The following RIT2 variants were observed in gnomAD, a reference collection of about 807,000 sequenced individuals.
The protein encoded by RIT2 is GTP-binding protein Rit2.
Under a neutral mutation model 23.7 loss-of-function variants are expected in RIT2, and 24 were observed. The ratio of observed to expected loss-of-function variants is 1.01; its 90% CI spans 0.73 to 1.43. The LOEUF is 1.43. RIT2 is among the 40% of genes most tolerant of loss of function. The probability of loss-of-function intolerance (pLI) is 0.00; values close to 1 mark genes in which losing one functional copy is unlikely to be tolerated. For synonymous variants in RIT2, 107 were observed against 91.1 expected (o/e 1.17, Z -0.99); for missense variants, 236 against 266.9 (o/e 0.88, Z 0.81).
intron 4 of RIT2, among the ~76,000 whole-genome samples, chr18:42,765,623 G>A (rs1033328653): frequency 1.3e-5 from 2 of 152,194 alleles, no homozygotes; most frequent in Non-Finnish European, 2.9e-5. Flanking sequence ...AAAGAACAAA[G>A]TGTGTTGACA....
intron 1 of RIT2, among the ~76,000 whole-genome samples, chr18:43,041,019 T>G (rs1160047876): frequency 2.6e-5 from 4 of 152,122 alleles, no homozygotes; most frequent in Non-Finnish European, 5.9e-5. Flanking sequence ...TAGAAATATA[T>G]GTATAATTAT....
chr18:43,108,711 T>C (rs1036999006), intron 1 of RIT2, among the ~76,000 whole-genome samples: 4 of 152,190 alleles, frequency 2.6e-5, no homozygotes, highest in Non-Finnish European at 5.9e-5. Flanking sequence ...TCAATCATTA[T>C]TTGAGTGAGT....
chr18:42,952,622 CACAGATGTATACTGT>C (rs1909878646), intron 3 of RIT2, among the ~76,000 whole-genome samples: 1 of 152,124 alleles, frequency 6.6e-6, no homozygotes, highest in Non-Finnish European at 1.5e-5. Context: ...TTGATGGTTT[CACAGATGTATACTGT>C]ACAGCCGTTT....
At chr18:42,912,103 T>C (rs1908784614) in intron 4 of RIT2, among the ~76,000 whole-genome samples, 2 of 151,792 alleles carry the variant, frequency 1.3e-5, no homozygotes. Flanking sequence ...TAAAATGTGA[T>C]TTATTCCAGG....
At chr18:42,873,003 C>G (rs1163707230) in intron 4 of RIT2, among the ~76,000 whole-genome samples, 1 of 152,116 alleles carries the variant, frequency 6.6e-6, no homozygotes, top group Admixed American at 6.6e-5. Context: ...TACAGTATCT[C>G]ATGATCCACA....
chr18:43,042,971 C>T (rs746877141), intron 1 of RIT2, among the ~76,000 whole-genome samples: 8 of 151,908 alleles, frequency 5.3e-5, no homozygotes, highest in Non-Finnish European at 1.2e-4. Context: ...CCATTTTCCA[C>T]TATTAAATAA....
chr18:42,927,031 A>G (rs1213582640), intron 3 of RIT2, among the ~76,000 whole-genome samples: 4 of 151,976 alleles, frequency 2.6e-5, no homozygotes, highest in Non-Finnish European at 4.4e-5. Context: ...AGCTCAAATG[A>G]GAGAAGAGAT....
At chr18:43,081,803 T>G (rs1236009361) in intron 1 of RIT2, among the ~76,000 whole-genome samples, 6 of 152,170 alleles carry the variant, frequency 3.9e-5, no homozygotes. Flanking sequence ...GAAACTTCAA[T>G]GTGAGTTTCA....
chr18:42,852,103 G>T (rs1273270175), intron 4 of RIT2, among the ~76,000 whole-genome samples: 6 of 152,038 alleles, frequency 3.9e-5, no homozygotes, highest in Admixed American at 2.0e-4. Context: ...CTCAAGACTC[G>T]ACCATAAAAT....
chr18:42,817,903 A>G (rs1461424405), intron 4 of RIT2, among the ~76,000 whole-genome samples: 1 of 151,988 alleles, frequency 6.6e-6, no homozygotes. Context: ...TGGAGTAAAT[A>G]ATTTTCATGG....
At chr18:42,836,259 G>A (rs8085000) in intron 4 of RIT2, among the ~76,000 whole-genome samples, 5,521 of 151,982 alleles carry the variant, frequency 0.036, 334 homozygotes, top group African/African-American at 0.12. Context: ...GTCACAGTGG[G>A]TTTAACCTGG....
chr18:42,857,696 G>T (rs948987182), intron 4 of RIT2, among the ~76,000 whole-genome samples: 2 of 152,152 alleles, frequency 1.3e-5, no homozygotes, highest in Non-Finnish European at 2.9e-5. Flanking sequence ...CTATGCCCTG[G>T]ATGTTTTTGC....
At chr18:42,972,925 CT>C (rs1442115453) in intron 3 of RIT2, among the ~76,000 whole-genome samples, 1 of 151,796 alleles carries the variant, frequency 6.6e-6, no homozygotes, top group Non-Finnish European at 1.5e-5. Context: ...TGCATTAAAA[CT>C]TTCTACTATA....
intron 1 of RIT2, among the ~76,000 whole-genome samples, chr18:43,111,732 G>T (rs1598789922): frequency 6.6e-6 from 1 of 152,140 alleles, no homozygotes; most frequent in East Asian, 1.9e-4. Context: ...ATACATATCT[G>T]TTACTTTGTA....
chr18:43,084,531 T>C (rs1413037386), intron 1 of RIT2, among the ~76,000 whole-genome samples: 1 of 152,168 alleles, frequency 6.6e-6, no homozygotes, highest in Non-Finnish European at 1.5e-5. Flanking sequence ...GTGGTACACA[T>C]ACACCATGGA....
intron 2 of RIT2, among the ~76,000 whole-genome samples, chr18:43,000,863 C>T (rs1254174242): frequency 6.6e-6 from 1 of 151,894 alleles, no homozygotes; most frequent in Non-Finnish European, 1.5e-5. Flanking sequence ...TTCTTTATAG[C>T]AGTGTGAAAA....
At chr18:42,905,475 T>A (rs1908586744) in intron 4 of RIT2, among the ~76,000 whole-genome samples, 1 of 152,170 alleles carries the variant, frequency 6.6e-6, no homozygotes, top group South Asian at 2.1e-4. Context: ...CATGGTTGTT[T>A]GTTTGTTTGT....
At chr18:43,020,523 AC>A (rs1387826746) in intron 2 of RIT2, among the ~76,000 whole-genome samples, 3 of 151,896 alleles carry the variant, frequency 2.0e-5, no homozygotes, top group African/African-American at 7.2e-5. Flanking sequence ...TGCATATGAA[AC>A]CTGAAAAGAG....
chr18:42,833,447 G>T (rs995404712), intron 4 of RIT2, among the ~76,000 whole-genome samples: 1 of 152,126 alleles, frequency 6.6e-6, no homozygotes, highest in Non-Finnish European at 1.5e-5. Flanking sequence ...CAATAAACAT[G>T]GGAGTGCAGA....
Sources: allele counts gnomAD v4.1 joint callset (sites outside exome capture counted in the v4.1 genomes callset), GRCh38; gene constraint gnomAD v4.1.1; transcripts MANE v1.5; gene names NCBI Gene and HGNC (gene_info 2026-07-23, HGNC 2026-07-21).